PPP2R3B: variants seen among roughly 807,000 people sequenced by gnomAD.
PPP2R3B encodes protein phosphatase 2 regulatory subunit B''beta.
In PPP2R3B, 68 loss-of-function variants were observed where a neutral mutation model predicts 72.9. The ratio of observed to expected loss-of-function variants is 0.93; its 90% CI spans 0.77 to 1.14. PPP2R3B has a LOEUF of 1.14. PPP2R3B is among the 50% of genes most tolerant of loss of function. PPP2R3B has a pLI of 0.00. For synonymous variants in PPP2R3B, 466 were observed against 375.8 expected, an observed-to-expected ratio of 1.24 and a Z score of -2.78; for missense variants, 1,018 against 842.0, an observed-to-expected ratio of 1.21 and a Z score of -2.59.
chrX:347,777 C>G (rs1239632269), intron 2 of PPP2R3B, 84 bp from the exon 3 acceptor site: 1 of 984,656 alleles, frequency 1.0e-6, no homozygotes, highest in East Asian at 2.7e-5. Context: ...TGACCGACGC[C>G]GCCCAGAGAC....
intron 6 of PPP2R3B, 95 bp downstream of exon 6, chrX:346,074 TGGGAG>T: frequency 5.5e-6 from 2 of 362,026 alleles, no homozygotes; most frequent in Non-Finnish European, 9.5e-6. Flanking sequence ...GGAGAGGGGG[TGGGAG>T]GGGAGGAGGG....
At chrX:363,469 A>G (rs879019303) in intron 1 of PPP2R3B, among the ~76,000 whole-genome samples, 351 of 5,230 alleles carry the variant, frequency 0.067, no homozygotes, top group Middle Eastern at 0.17. Context: ...CCATCCCACA[A>G]TGCATCTCCC....
intron 1 of PPP2R3B, among the ~76,000 whole-genome samples, chrX:372,494 C>T (rs1337797279): frequency 1.3e-5 from 2 of 152,196 alleles, no homozygotes; most frequent in Non-Finnish European, 2.9e-5. Flanking sequence ...GGATGAAATT[C>T]GGATCAGATT....
chrX:346,347 C>A, intron 5 of PPP2R3B, 87 bp from the exon 6 acceptor site: 1 of 1,347,614 alleles, frequency 7.4e-7, no homozygotes, highest in Non-Finnish European at 1.0e-6. Flanking sequence ...GAGAGGGGCG[C>A]GCCCTTGGTC....
chrX:356,778 G>T (rs2071441383), intron 2 of PPP2R3B, among the ~76,000 whole-genome samples: 1 of 122,604 alleles, frequency 8.2e-6, no homozygotes, highest in Non-Finnish European at 1.7e-5. Flanking sequence ...TACGGCCAGG[G>T]ACACATAGTG....
intron 1 of PPP2R3B, among the ~76,000 whole-genome samples, chrX:379,956 T>A (rs2072087436): frequency 6.6e-6 from 1 of 152,078 alleles, no homozygotes; most frequent in Admixed American, 6.6e-5. Flanking sequence ...GAAATAATAA[T>A]AAAACAGACG....
intron 12 of PPP2R3B, chrX:338,180 G>T (rs753255530): frequency 6.7e-6 from 2 of 298,398 alleles, no homozygotes; most frequent in East Asian, 6.7e-5. Context: ...CCGTGAGAAA[G>T]CAACCAGCCC....
intron 5 of PPP2R3B, 76 bp downstream of exon 5, chrX:346,616 CCCGTCCGCA>C: frequency 7.4e-7 from 1 of 1,347,088 alleles, no homozygotes; most frequent in South Asian, 1.3e-5. Context: ...CCCCGCCCGC[CCCGTCCGCA>C]GAAGCCCCGC....
rs769548516 is a variant in PPP2R3B, at chrX:361,552, C to T, written c.363G>A (p.Thr121=). The change falls in exon 2 of 13, where the codon ACG becomes ACA. Residue 121 remains threonine, a synonymous_variant. Transcript: ENST00000390665. ...AGTAGAAGGTCGGAATGCTTTGGCT[C>T]GTGGCCGGGGGCAGAGGCTCTTCTT... The part of the protein sequence containing the change: ...TRKEEPLPPA[T]SQSIPTFYFP... The T allele has an allele frequency of 6.2e-6, 10 of 1,613,860 alleles. No homozygotes were observed. The highest frequency in any genetic ancestry group is 1.3e-5 in the African/African-American group (1 of 74,930).
At chrX:337,840 TCGGACACC>T (rs1277209725) in intron 12 of PPP2R3B, 2 of 152,754 alleles carry the variant, frequency 1.3e-5, no homozygotes, top group Middle Eastern at 3.4e-3. Context: ...GCTGGGACAG[TCGGACACC>T]CGGACACCCA....
Position 373,541 on chromosome X carries a change from G to C in PPP2R3B, c.325-11951C>G, listed in dbSNP as rs897273563. On this transcript the variant is annotated intron_variant, in intron 1 of 12. Transcript: ENST00000390665. ...GGCGCGCGGGGCTGACCTGCTGGAA[G>C]GCCTTCAGCCGCTTCTTGAACCGAG... The C allele has an allele frequency of 4.0e-5, 9 of 224,966 alleles. No homozygotes were observed. In the East Asian group the frequency reaches 6.9e-4, roughly 17 times the overall value. 13.9% of individuals were successfully genotyped at this position (224,966 alleles called of 1,614,324 possible).
chrX:364,525 A>AC lies in PPP2R3B; in HGVS notation c.325-2936_325-2935insG, dbSNP rs985400673. On this transcript the variant is annotated intron_variant, in intron 1 of 12. Transcript: ENST00000390665. The stretch of plus-strand genomic sequence containing the variant: ...CTCTACTAAAAAAAAAAAAAACAAA[A>AC]AAAAAAAAACAGAAAACAAAAAACA... Among the ~76,000 whole-genome samples the AC allele has an allele frequency of 1.1e-4, 16 of 151,030 alleles. No homozygotes were observed. The South Asian group carries it at 2.3e-3, about 22-fold the overall frequency.
At chrX:335,056 CAGAGATCCTG>C (rs2070852381) in intron 12 of PPP2R3B, 1 of 152,622 alleles carries the variant, frequency 6.6e-6, no homozygotes, top group Admixed American at 6.5e-5. Flanking sequence ...CACAGACTCT[CAGAGATCCTG>C]TGGGGACACC....
chrX:344,838 C>T (rs1400371538), intron 7 of PPP2R3B: 39 of 304,328 alleles, frequency 1.3e-4, no homozygotes, highest in Non-Finnish European at 2.4e-4. Context: ...GTGCAGCTCA[C>T]GTTCGGGGAA....
intron 6 of PPP2R3B, 119 bp downstream of exon 6, chrX:346,055 G>T (rs1603052527): frequency 3.8e-6 from 2 of 531,892 alleles, no homozygotes; most frequent in Non-Finnish European, 3.4e-6. Flanking sequence ...GGGGGTGGGG[G>T]TGGGGGTGGG....
intron 8 of PPP2R3B, 152 bp downstream of exon 8, chrX:341,731 C>T (rs749590930): frequency 7.0e-6 from 6 of 859,250 alleles, no homozygotes; most frequent in African/African-American, 5.0e-5. Context: ...TAGGGATTCA[C>T]GTGACAGAGA....
At chrX:345,423 T>C (rs1313668055) in intron 7 of PPP2R3B, 93 bp downstream of exon 7, 3 of 1,515,016 alleles carry the variant, frequency 2.0e-6, no homozygotes, top group South Asian at 2.3e-5. Context: ...GAGCTGGGAG[T>C]GCGGAAGGAG....
chrX:346,331 A>C, intron 5 of PPP2R3B, 71 bp from the exon 6 acceptor site: 1 of 1,446,432 alleles, frequency 6.9e-7, no homozygotes, highest in Non-Finnish European at 9.4e-7. Flanking sequence ...GGAGACCGGG[A>C]GCCGGGAGAG....
At chrX:374,314 G>A (rs1234959824) in intron 1 of PPP2R3B, among the ~76,000 whole-genome samples, 1 of 152,194 alleles carries the variant, frequency 6.6e-6, no homozygotes, top group Admixed American at 6.5e-5. Flanking sequence ...GCCAGGTGCA[G>A]CTGCGCCTCC....
Sources: allele counts gnomAD v4.1 joint callset (sites outside exome capture counted in the v4.1 genomes callset), GRCh38; gene constraint gnomAD v4.1.1; transcripts MANE v1.5; gene names NCBI Gene and HGNC (gene_info 2026-07-23, HGNC 2026-07-21).